Variants in ELMO1 observed in about 807,000 individuals in gnomAD.
ELMO1 encodes the protein engulfment and cell motility 1, also known as engulfment and cell motility protein 1.
In ELMO1, 26 loss-of-function variants were observed where a neutral mutation model predicts 98.9. The ratio of observed to expected loss-of-function variants is 0.26; its 90% confidence interval spans 0.19 to 0.36. ELMO1 has a LOEUF of 0.36. ELMO1 is among the 10% of genes least tolerant of loss of function. ELMO1 has a pLI of 1.00. For synonymous variants in ELMO1, 346 were observed against 346.0 expected, an observed-to-expected ratio of 1.00 and a Z score of 0.00; for missense variants, 627 against 935.2, an observed-to-expected ratio of 0.67 and a Z score of 4.30.
At chr7:37,124,223 A>G (rs1369827705) in intron 14 of ELMO1, among the ~76,000 whole-genome samples, 4 of 152,264 alleles carry the variant, frequency 2.6e-5, no homozygotes. Flanking sequence ...GAAAAGTTGC[A>G]CAAGACAGGG....
chr7:37,097,088 CCTT>C (rs1784399918), intron 14 of ELMO1, among the ~76,000 whole-genome samples: 1 of 152,206 alleles, frequency 6.6e-6, no homozygotes, highest in Non-Finnish European at 1.5e-5. Flanking sequence ...AATAGTAACT[CCTT>C]CTGTGACTTC....
In ELMO1 at chr7:37,259,297, G is replaced by A. The variant is rs1406433888; in HGVS notation, c.297C>T (p.Ala99=). The change falls in exon 6 of 22, where the codon GCC becomes GCT. Residue 99 remains alanine, a synonymous_variant. Transcript: ENST00000310758. ...CCAAGTCCTTCAGGGCTTCCAGCTT[G>A]GCATCCATACTCGAGGACTGGATTC... is the stretch of plus-strand genomic sequence containing the variant. The part of the protein sequence containing the change: ...HERIQSSSMD[A]KLEALKDLAS... 2 of 1,614,138 alleles carry A rather than the reference G, an allele frequency of 1.2e-6. No individual in the cohort carries two copies. The highest frequency in any genetic ancestry group is 2.2e-5 in the South Asian group (2 of 91,076).
At chr7:37,246,686 T>C (rs532752455) in intron 6 of ELMO1, among the ~76,000 whole-genome samples, 1 of 152,196 alleles carries the variant, frequency 6.6e-6, no homozygotes, top group Non-Finnish European at 1.5e-5. Context: ...GCCTACAACA[T>C]ATCCTTTTGG....
chr7:37,107,500 T>G (rs1406823011), intron 14 of ELMO1, among the ~76,000 whole-genome samples: 1 of 152,238 alleles, frequency 6.6e-6, no homozygotes, highest in Admixed American at 6.5e-5. Context: ...GAAGCCCCTA[T>G]GCATCTTGGG....
intron 1 of ELMO1, chr7:37,429,896 T>G (rs545118285): frequency 6.6e-6 from 1 of 152,246 alleles, no homozygotes; most frequent in Non-Finnish European, 1.5e-5. Flanking sequence ...TTTGTATAAA[T>G]AGAGATTTTA....
intron 16 of ELMO1, among the ~76,000 whole-genome samples, chr7:36,927,606 T>C (rs1192677957): frequency 6.6e-6 from 1 of 152,154 alleles, no homozygotes; most frequent in African/African-American, 2.4e-5. Flanking sequence ...AGTAGCAGAA[T>C]TGAAAGCTTA....
intron 1 of ELMO1, among the ~76,000 whole-genome samples, chr7:37,387,133 G>A (rs1392116132): frequency 1.3e-5 from 2 of 152,236 alleles, no homozygotes; most frequent in African/African-American, 4.8e-5. Flanking sequence ...AGATGCACTT[G>A]AGTATGCAGC....
chr7:37,370,002 G>A (rs1304181175), intron 1 of ELMO1, among the ~76,000 whole-genome samples: 1 of 151,986 alleles, frequency 6.6e-6, no homozygotes, highest in Non-Finnish European at 1.5e-5. Context: ...AAATGCAATT[G>A]CCTCAAAACT....
rs1335187423 is a variant in ELMO1 at position 36,855,925 on chromosome 7, T to C, written c.1984-174A>G. On this transcript the variant is annotated intron_variant, in intron 21 of 21. Coordinates refer to ENST00000310758, the MANE Select transcript of ELMO1 (RefSeq NM_014800.11). The surrounding 1 kb of genome is among the most constrained non-coding windows in gnomAD (Gnocchi z 4.2). ...CAATATAAAGTCGATACTTCTGTTA[T>C]CTCTGTTTTATAGGTGAAGGAACTG... Among the ~76,000 whole-genome samples, 2 of 152,242 alleles carry C rather than the reference T, an allele frequency of 1.3e-5. No individual in the cohort carries two copies. The highest frequency in any genetic ancestry group is 2.4e-5 in the African/African-American group (1 of 41,456).
At chr7:37,000,113 T>C (rs1244917777) in intron 16 of ELMO1, among the ~76,000 whole-genome samples, 11 of 152,226 alleles carry the variant, frequency 7.2e-5, no homozygotes, top group Non-Finnish European at 1.5e-4. Context: ...AGAACCTTTT[T>C]CAAACACACG....
At chr7:37,147,836 A>G (rs1250440738) in intron 13 of ELMO1, among the ~76,000 whole-genome samples, 1 of 152,120 alleles carries the variant, frequency 6.6e-6, no homozygotes, top group Non-Finnish European at 1.5e-5. Context: ...AAGTTGGAAA[A>G]AAAAAAAAAA....
chr7:37,128,125 G>A (rs1005633468), intron 14 of ELMO1, among the ~76,000 whole-genome samples: 18 of 152,264 alleles, frequency 1.2e-4, no homozygotes, highest in East Asian at 3.9e-4. Context: ...CCCAGGACAC[G>A]GAGACTGTGG....
intron 4 of ELMO1, among the ~76,000 whole-genome samples, chr7:37,305,445 AGTGTGT>A (rs147003634): frequency 8.1e-6 from 1 of 122,820 alleles, no homozygotes; most frequent in African/African-American, 2.7e-5. Context: ...CAGTACAGAT[AGTGTGT>A]GTGTGTGTGT....
At chr7:37,316,360 T>G (rs1799156820) in intron 2 of ELMO1, among the ~76,000 whole-genome samples, 1 of 152,212 alleles carries the variant, frequency 6.6e-6, no homozygotes, top group Non-Finnish European at 1.5e-5. Flanking sequence ...TTTGGCTTCA[T>G]GCAAAAAGCC....
At chr7:37,031,516 T>G (rs759831053) in intron 15 of ELMO1, among the ~76,000 whole-genome samples, 30 of 152,206 alleles carry the variant, frequency 2.0e-4, no homozygotes, top group Non-Finnish European at 3.8e-4. Context: ...CCTGCAGGTC[T>G]TTCAGAATCC....
chr7:37,443,337 G>A (rs1805486103), intron 1 of ELMO1, among the ~76,000 whole-genome samples: 1 of 152,214 alleles, frequency 6.6e-6, no homozygotes, highest in Non-Finnish European at 1.5e-5. Context: ...TAAAATTGAA[G>A]TTCCAATAAT....
At chr7:37,166,635 T>C (rs1316980809) in intron 13 of ELMO1, among the ~76,000 whole-genome samples, 2 of 152,232 alleles carry the variant, frequency 1.3e-5, no homozygotes. Flanking sequence ...AGTTTCCATG[T>C]AGTTGAGCGT....
chr7:36,984,778 G>T, intron 16 of ELMO1: 1 of 493,186 alleles, frequency 2.0e-6, no homozygotes, highest in Non-Finnish European at 2.6e-6. Flanking sequence ...AGGCACATAA[G>T]ACAGGAAATC....
At chr7:37,122,329 G>T (rs1156819220) in intron 14 of ELMO1, among the ~76,000 whole-genome samples, 1 of 152,140 alleles carries the variant, frequency 6.6e-6, no homozygotes, top group East Asian at 1.9e-4. Context: ...CCGATTAAAA[G>T]ACACAGACTG....
Sources: gnomAD v4.1 joint callset for allele counts (sites outside exome capture counted in the v4.1 genomes callset) on GRCh38, gnomAD v4.1.1 for gene constraint, Gnocchi (gnomAD v3.1) non-coding constraint, MANE v1.5 for transcripts, NCBI Gene and HGNC (gene_info 2026-07-23, HGNC 2026-07-21) for gene names.